SCLT1: variants seen among roughly 807,000 people sequenced by gnomAD.
SCLT1 encodes the protein sodium channel and clathrin linker 1.
In SCLT1, 78 loss-of-function variants were observed where a neutral mutation model predicts 112.8. The observed-to-expected ratio is 0.69, with a 90% CI of 0.58 to 0.83. The LOEUF (loss-of-function observed/expected upper bound fraction) is 0.83. Ranked by LOEUF, SCLT1 falls within the 40% of genes least tolerant of loss-of-function variation. The pLI is 0.00. For missense variants in SCLT1, 747 were observed against 770.4 expected, an observed-to-expected ratio of 0.97 and a Z score of 0.36; for synonymous variants, 257 against 254.7, an observed-to-expected ratio of 1.01 and a Z score of -0.09.
intron 18 of SCLT1, among the ~76,000 whole-genome samples, chr4:128,903,693 G>A (rs919532996): frequency 6.6e-6 from 1 of 152,120 alleles, no homozygotes; most frequent in Admixed American, 6.6e-5. Context: ...AGGTATTAAA[G>A]GGTGAAGAGA....
chr4:128,937,427 A>C (rs1737305920), intron 17 of SCLT1, among the ~76,000 whole-genome samples: 2 of 152,224 alleles, frequency 1.3e-5, no homozygotes, highest in South Asian at 4.1e-4. Flanking sequence ...TTAAAATGCC[A>C]GTAAAAGAAA....
intron 2 of SCLT1, among the ~76,000 whole-genome samples, chr4:129,061,917 C>T (rs1385807092): frequency 6.6e-6 from 1 of 152,126 alleles, no homozygotes; most frequent in Non-Finnish European, 1.5e-5. Flanking sequence ...AGTGTTAGTT[C>T]CTGGTTATGT....
rs182207055 is a variant in SCLT1 at position 128,998,392 on chromosome 4, T to C, written c.550-453A>G. 4.8e-3 allele frequency among the ~76,000 whole-genome samples: 733 copies of C among 152,000 alleles called. 6 individuals are homozygous for C. Among genetic ancestry groups the C allele is most frequent in the African/African-American group, 0.017 (696 of 41,548 alleles). On this transcript the variant is annotated intron_variant, in intron 7 of 20. Transcript: ENST00000281142. The stretch of plus-strand genomic sequence containing the variant: ...ATTCTCATGCCCCACATTTTAAAAA[T>C]TGTTTGATTAGCTGTTATGATTCTA...
In SCLT1 at chr4:129,015,466, C is replaced by T. The variant is rs72924157; in HGVS notation, c.291-11590G>A. On this transcript the variant is annotated intron_variant, in intron 5 of 20. Coordinates refer to ENST00000281142, the MANE Select transcript of SCLT1 (RefSeq NM_144643.4). Reference sequence around the variant, plus strand: ...CCAAGGGGAGCTCAAGTTGGACTGGCCCTATCTGAGCTGGGGCAAGTCCAC... The same window carrying T: ...CCAAGGGGAGCTCAAGTTGGACTGGTCCTATCTGAGCTGGGGCAAGTCCAC... 4.8e-3 allele frequency among the ~76,000 whole-genome samples: 727 copies of T among 152,148 alleles called. 3 individuals are homozygous for T. The highest frequency in any genetic ancestry group is 0.016 in the African/African-American group (660 of 41,500).
At chr4:128,948,436 C>G in intron 15 of SCLT1, 60 bp downstream of exon 15, 2 of 1,565,472 alleles carry the variant, frequency 1.3e-6, no homozygotes, top group South Asian at 2.3e-5. Context: ...TGGAGGCAGA[C>G]AGTAATGTTG....
intron 8 of SCLT1, chr4:128,997,112 A>T (rs141345250): frequency 6.6e-6 from 1 of 152,006 alleles, no homozygotes; most frequent in Admixed American, 6.6e-5. Context: ...AGACACTTCA[A>T]ATGTTAACAG....
At chr4:129,014,723 C>T (rs533835443) in intron 5 of SCLT1, among the ~76,000 whole-genome samples, 2 of 152,342 alleles carry the variant, frequency 1.3e-5, no homozygotes, top group East Asian at 3.9e-4. Context: ...TCACTACATT[C>T]CAATGTGTAG....
At chr4:128,882,975 C>T (rs2125917385), downstream of SCLT1, among the ~76,000 whole-genome samples, 1 of 151,984 alleles carries the variant, frequency 6.6e-6, no homozygotes, top group South Asian at 2.1e-4. Context: ...GGTGAAACCC[C>T]ATCTCTATTA....
chr4:129,051,497 G>T (rs539941338), intron 2 of SCLT1, among the ~76,000 whole-genome samples: 1 of 152,252 alleles, frequency 6.6e-6, no homozygotes, highest in South Asian at 2.1e-4. Context: ...AATTGTGAAT[G>T]GGAGTTCACT....
intron 18 of SCLT1, among the ~76,000 whole-genome samples, chr4:128,925,969 T>C (rs1476043818): frequency 1.3e-5 from 2 of 151,902 alleles, no homozygotes; most frequent in African/African-American, 4.8e-5. Context: ...ACTAAGAATA[T>C]TTACAATGGC....
chr4:129,008,820 C>T (rs56736556), intron 5 of SCLT1, among the ~76,000 whole-genome samples: 2,187 of 152,218 alleles, frequency 0.014, 48 homozygotes, highest in African/African-American at 0.044. Context: ...CTCCCAGCCT[C>T]CACCCATTGA....
At chr4:129,076,092 T>C (rs937134798) in intron 2 of SCLT1, among the ~76,000 whole-genome samples, 1 of 152,092 alleles carries the variant, frequency 6.6e-6, no homozygotes, top group African/African-American at 2.4e-5. Flanking sequence ...TTAATCTCTA[T>C]CTCAGCACCC....
At chr4:128,949,973 AAAGT>A (rs1738571961) in intron 14 of SCLT1, among the ~76,000 whole-genome samples, 1 of 74,084 alleles carries the variant, frequency 1.3e-5, no homozygotes, top group South Asian at 3.7e-4. Context: ...TTTAAATTTT[AAAGT>A]AAGCTTCTTT....
intron 9 of SCLT1, among the ~76,000 whole-genome samples, chr4:128,985,848 G>A (rs779683681): frequency 4.6e-5 from 7 of 152,052 alleles, no homozygotes; most frequent in East Asian, 1.9e-4. Context: ...CAAAGTGCTG[G>A]GATTACAGGC....
intron 11 of SCLT1, among the ~76,000 whole-genome samples, chr4:128,963,957 T>C (rs1026244980): frequency 1.3e-5 from 2 of 152,200 alleles, no homozygotes; most frequent in Admixed American, 1.3e-4. Context: ...GAAAATGTCA[T>C]CTTTTCAAGA....
intron 11 of SCLT1, among the ~76,000 whole-genome samples, chr4:128,960,107 C>T (rs1739555254): frequency 6.6e-6 from 1 of 152,122 alleles, no homozygotes. Context: ...AGTTACATGA[C>T]AATGATATAA....
At chr4:128,928,543 A>G (rs1736485446) in intron 18 of SCLT1, among the ~76,000 whole-genome samples, 1 of 151,952 alleles carries the variant, frequency 6.6e-6, no homozygotes, top group South Asian at 2.1e-4. Flanking sequence ...AAAAGCTTTT[A>G]TAAAATTTAA....
chr4:128,987,938 G>A (rs907334626), intron 9 of SCLT1, among the ~76,000 whole-genome samples: 8 of 151,722 alleles, frequency 5.3e-5, no homozygotes, highest in African/African-American at 1.9e-4. Flanking sequence ...AGCAGCAAGA[G>A]AAGAGAAGCA....
intron 17 of SCLT1, among the ~76,000 whole-genome samples, chr4:128,942,629 C>T (rs1433742938): frequency 1.3e-5 from 2 of 152,222 alleles, no homozygotes; most frequent in Admixed American, 6.5e-5. Flanking sequence ...ATCCTCTATA[C>T]AGTTAGTTTT....
Sources: gnomAD v4.1 joint callset for allele counts (sites outside exome capture counted in the v4.1 genomes callset) on GRCh38, gnomAD v4.1.1 for gene constraint, MANE v1.5 for transcripts, NCBI Gene and HGNC (gene_info 2026-07-23, HGNC 2026-07-21) for gene names.